The following TYRP1 variants were observed in gnomAD, a reference collection of about 807,000 sequenced individuals.
TYRP1 encodes the protein 5,6-dihydroxyindole-2-carboxylic acid oxidase.
Under a neutral mutation model 42.8 loss-of-function variants are expected in TYRP1, and 49 were observed. The observed-to-expected ratio is 1.14, with a 90% CI of 0.91 to 1.45. TYRP1 has a LOEUF of 1.45. Ranked by LOEUF, TYRP1 falls within the 40% of genes most tolerant of loss-of-function variation. The pLI, the probability that TYRP1 is intolerant of heterozygous loss-of-function variation, is 0.00. For missense variants in TYRP1, 848 were observed against 662.0 expected, an observed-to-expected ratio of 1.28 and a Z score of -3.08; for synonymous variants, 279 against 235.4, an observed-to-expected ratio of 1.19 and a Z score of -1.69.
rs567201598 is a variant in TYRP1, at chr9:12,704,907, A to G, written c.1261+202A>G. ...AGTCTCTCCAAATAGTTATTATAGG[A>G]TGATATTTTTAACCATTTGCTGGGA... is the stretch of plus-strand genomic sequence containing the variant. On this transcript the variant is annotated intron_variant, in intron 6 of 7. Transcript: ENST00000388918. Among the ~76,000 whole-genome samples, 5 of 152,168 alleles carry G rather than the reference A, an allele frequency of 3.3e-5. No homozygotes were observed. In the South Asian group the frequency reaches 8.3e-4, roughly 25 times the overall value.
intron 6 of TYRP1, 146 bp downstream of exon 6, chr9:12,704,851 A>G: frequency 1.3e-6 from 1 of 784,066 alleles, no homozygotes; most frequent in Admixed American, 2.1e-5. Flanking sequence ...ACTTCCAGAC[A>G]TTCAATTCTA....
Position 12,702,268 on chromosome 9 carries a change from C to G in TYRP1, c.914-3C>G, listed in dbSNP as rs1818181259. 3 of 1,612,344 alleles carry G rather than the reference C, an allele frequency of 1.9e-6. No individual in the cohort carries two copies. Among genetic ancestry groups the G allele is most frequent in the Non-Finnish European group, 2.5e-6 (3 of 1,179,108 alleles). ...TGTTTCCACATCCCATTTTTTTCTG[C>G]AGGCACCGAGGATGGGCCAATTAGG... is the stretch of plus-strand genomic sequence containing the variant. On this transcript the variant is annotated splice_polypyrimidine_tract_variant and splice_region_variant and intron_variant, in intron 4 of 7. Coordinates refer to ENST00000388918, the MANE Select transcript of TYRP1 (RefSeq NM_000550.3).
At position 12,702,359 on chromosome 9, in the gene TYRP1, T is replaced by C. The variant is rs761970281; in HGVS notation, c.1002T>C (p.Ala334=). The change falls in exon 5 of 8, where the codon GCT becomes GCC. Residue 334 remains alanine, a synonymous_variant. Coordinates refer to ENST00000388918, the MANE Select transcript of TYRP1 (RefSeq NM_000550.3). ...VQRLPEPQDV[A]QCLEVGLFDT... is the part of the protein sequence containing the mutation. Reference sequence around the variant, plus strand: ...GTCTTCCTGAACCACAGGATGTCGCTCAGTGCTTGGAAGTTGGTTTATTTG... The same window carrying C: ...GTCTTCCTGAACCACAGGATGTCGCCCAGTGCTTGGAAGTTGGTTTATTTG... 4 of 1,613,036 alleles carry C rather than the reference T, an allele frequency of 2.5e-6. No individual in the cohort carries two copies. In the African/African-American group the frequency reaches 5.3e-5, roughly 22 times the overall value.
chr9:12,693,764 AATTTGTGTGAAATGTCACAC>A, intron 1 of TYRP1, 128 bp from the exon 2 acceptor site: 1 of 437,558 alleles, frequency 2.3e-6, no homozygotes, highest in South Asian at 2.2e-5. Flanking sequence ...TTAAAGGTAA[AATTTGTGTGAAATGTCACAC>A]TTTTATTATT....
intron 5 of TYRP1, 120 bp downstream of exon 5, chr9:12,702,558 A>C: frequency 9.4e-7 from 1 of 1,061,306 alleles, no homozygotes. Context: ...GTTTATGTGA[A>C]TGAGATTTTC....
rs1818059008 is a variant in TYRP1 at position 12,695,411 on chromosome 9, C to G, written c.386-104C>G. ...TAAAATAATTTAAAACACATTTGAACAGATGGATAAATGGGTCGTGGTGTG... is the reference window on the plus strand; with the variant it reads ...TAAAATAATTTAAAACACATTTGAAGAGATGGATAAATGGGTCGTGGTGTG... On this transcript the variant is annotated intron_variant, in intron 2 of 7. Transcript: ENST00000388918. 4 of 1,038,182 alleles carry G rather than the reference C, an allele frequency of 3.9e-6. No homozygotes were observed. In the South Asian group the frequency reaches 5.4e-5, roughly 14 times the overall value. The allele number at this position is 1,038,182 out of a possible 1,614,324, so 64.3% of individuals were successfully genotyped here.
Position 12,709,312 on chromosome 9 carries a change from G to T in TYRP1, c.*130G>T. 1.1e-6 allele frequency: 1 copy of T among 944,320 alleles called. No homozygotes were observed. Among genetic ancestry groups the T allele is most frequent in the Non-Finnish European group, 1.6e-6 (1 of 606,318 alleles). 58.5% of individuals were successfully genotyped at this position (944,320 alleles called of 1,614,324 possible). A position where few individuals can be genotyped will look rare whatever the true frequency, so the allele number is the denominator to read the frequency against. ...AATACAAGCATATGTTAGCATTAAA[G>T]TTCTAGGCATACTTTTCAAAGCTGG... is the stretch of plus-strand genomic sequence containing the variant. On this transcript the variant is annotated 3_prime_UTR_variant, in exon 8 of 8. Transcript: ENST00000388918.
intron 3 of TYRP1, 27 bp from the exon 4 acceptor site, chr9:12,698,424 A>T: frequency 6.3e-7 from 1 of 1,587,630 alleles, no homozygotes; most frequent in Non-Finnish European, 8.6e-7. Context: ...AGAAGCAGAG[A>T]GTATTAATGT....
At chr9:12,696,509 A>G (rs1818081524) in intron 3 of TYRP1, among the ~76,000 whole-genome samples, 1 of 152,136 alleles carries the variant, frequency 6.6e-6, no homozygotes, top group Non-Finnish European at 1.5e-5. Flanking sequence ...GTACACCTAA[A>G]ATATGTAAAA....
intron 4 of TYRP1, among the ~76,000 whole-genome samples, chr9:12,699,047 G>A (rs1267111245): frequency 6.6e-6 from 1 of 151,920 alleles, no homozygotes; most frequent in Non-Finnish European, 1.5e-5. Context: ...GCAAAAAGTT[G>A]GAAATGCCCT....
intron 1 of TYRP1, 107 bp from the exon 2 acceptor site, chr9:12,693,805 G>T (rs1380544375): frequency 1.6e-6 from 1 of 644,538 alleles, no homozygotes; most frequent in Non-Finnish European, 2.6e-6. Flanking sequence ...TGTGTGAAAT[G>T]TCATTTTACA....
chr9:12,708,057 T>G lies in TYRP1; in HGVS notation c.1322T>G (p.Val441Gly). 6.2e-7 allele frequency: 1 copy of G among 1,612,780 alleles called. No individual in the cohort carries two copies. The highest frequency in any genetic ancestry group is 8.5e-7 in the Non-Finnish European group (1 of 1,179,262). Residue 441 changes from valine to glycine, a missense_variant, in exon 7 of 8, where the codon GTG becomes GGG. Coordinates refer to ENST00000388918, the MANE Select transcript of TYRP1 (RefSeq NM_000550.3). ...PIGHNRQYNM[V>G]PFWPPVTNTE... ...GGACATAATAGACAATACAACATGGTGCCATTCTGGCCCCCAGTCACCAAC... is the reference window on the plus strand; with the variant it reads ...GGACATAATAGACAATACAACATGGGGCCATTCTGGCCCCCAGTCACCAAC...
At chr9:12,702,023 T>C (rs1389748875) in intron 4 of TYRP1, among the ~76,000 whole-genome samples, 1 of 152,056 alleles carries the variant, frequency 6.6e-6, no homozygotes, top group East Asian at 1.9e-4. Context: ...AACACCTGTA[T>C]CTGTTAGTGT....
In TYRP1 at chr9:12,695,969, C is replaced by G. The variant is rs930760208; in HGVS notation, c.708+132C>G. On this transcript the variant is annotated intron_variant, in intron 3 of 7. Transcript: ENST00000388918. ...AAGCAATTTTATGTTACTAACCTGT[C>G]TTTGGCATTTCGTTTTCTCCTTATT... The G allele has an allele frequency of 6.6e-6, 6 of 911,374 alleles. No individual in the cohort carries two copies. The African/African-American group carries it at 8.4e-5, about 13-fold the overall frequency. 56.5% of individuals were successfully genotyped at this position (911,374 alleles called of 1,614,324 possible).
chr9:12,702,149 A>G lies in TYRP1; in HGVS notation c.914-122A>G, dbSNP rs1818179371. On this transcript the variant is annotated intron_variant, in intron 4 of 7. Transcript: ENST00000388918. ...AATGCTACCAAGTATGCATTTTTAA[A>G]TTTTCTTTTCTACCAAGGAAAACCT... 2.9e-6 allele frequency: 3 copies of G among 1,050,272 alleles called. No individual in the cohort carries two copies. The South Asian group carries it at 4.8e-5, about 17-fold the overall frequency. The allele number at this position is 1,050,272 out of a possible 1,614,324, so 65.1% of individuals were successfully genotyped here.
intron 6 of TYRP1, among the ~76,000 whole-genome samples, chr9:12,707,512 G>A (rs1425164971): frequency 6.6e-6 from 1 of 151,708 alleles, no homozygotes; most frequent in Non-Finnish European, 1.5e-5. Context: ...ATATATGGAA[G>A]AAGAATGTCC....
chr9:12,709,381 T>G lies in TYRP1; in HGVS notation c.*199T>G, dbSNP rs1818319403. 1 of 597,072 alleles carries G rather than the reference T, an allele frequency of 1.7e-6. No homozygotes were observed. The highest frequency in any genetic ancestry group is 3.0e-6 in the Non-Finnish European group (1 of 338,008). 37.0% of individuals were successfully genotyped at this position (597,072 alleles called of 1,614,324 possible). A position where few individuals can be genotyped will look rare whatever the true frequency, so the allele number is the denominator to read the frequency against. ...TTTTCAATGGGTTTTAATTTTCAGT[T>G]CTATTTAAAATGGTGAATGACACTA... On this transcript the variant is annotated 3_prime_UTR_variant, in exon 8 of 8. Coordinates refer to ENST00000388918, the MANE Select transcript of TYRP1 (RefSeq NM_000550.3).
At chr9:12,704,122 G>A (rs1428881122) in intron 5 of TYRP1, among the ~76,000 whole-genome samples, 1 of 151,904 alleles carries the variant, frequency 6.6e-6, no homozygotes, top group Non-Finnish European at 1.5e-5. Flanking sequence ...AGTAACATCT[G>A]GCAACTTAAG....
At chr9:12,700,906 C>T (rs1818156502) in intron 4 of TYRP1, among the ~76,000 whole-genome samples, 1 of 151,854 alleles carries the variant, frequency 6.6e-6, no homozygotes. Flanking sequence ...GTTTTAGTTA[C>T]ATATTATTTA....
Sources: allele counts gnomAD v4.1 joint callset (sites outside exome capture counted in the v4.1 genomes callset), GRCh38; gene constraint gnomAD v4.1.1; transcripts MANE v1.5; gene names NCBI Gene and HGNC (gene_info 2026-07-23, HGNC 2026-07-21).